The following CTNNA3 variants were observed in gnomAD, a reference collection of about 807,000 sequenced individuals.
CTNNA3 encodes catenin alpha 3.
Under a neutral mutation model 95.7 loss-of-function variants are expected in CTNNA3, and 76 were observed. That is an observed-to-expected ratio of 0.79 (90% confidence interval 0.66 to 0.96). The LOEUF (loss-of-function observed/expected upper bound fraction) is 0.96, where lower values mean the gene tolerates loss of function less well. Ranked by LOEUF, CTNNA3 falls within the 40% of genes least tolerant of loss-of-function variation. The pLI is 0.00. For missense variants in CTNNA3, 1,191 were observed against 1,089.8 expected (o/e 1.09, Z -1.31); for synonymous variants, 431 against 374.4 (o/e 1.15, Z -1.74).
chr10:67,167,882 C>A (rs940884282), intron 7 of CTNNA3, among the ~76,000 whole-genome samples: 1 of 152,104 alleles, frequency 6.6e-6, no homozygotes, highest in African/African-American at 2.4e-5. Context: ...CCTATAATCC[C>A]AACAGTTTGG....
chr10:66,370,861 C>T (rs949876226), intron 12 of CTNNA3, among the ~76,000 whole-genome samples: 6 of 152,084 alleles, frequency 3.9e-5, no homozygotes, highest in African/African-American at 1.4e-4. Context: ...AGGTGTGTAC[C>T]ACCATGCCTG....
chr10:66,734,248 T>C (rs1334681525), intron 9 of CTNNA3, among the ~76,000 whole-genome samples: 1 of 152,012 alleles, frequency 6.6e-6, no homozygotes, highest in Non-Finnish European at 1.5e-5. Flanking sequence ...TCTTTTCTTC[T>C]CTCTCTCTAA....
intron 11 of CTNNA3, among the ~76,000 whole-genome samples, chr10:66,511,243 C>A (rs1359458237): frequency 6.6e-6 from 1 of 151,582 alleles, no homozygotes; most frequent in Non-Finnish European, 1.5e-5. Context: ...TCTCATTGTT[C>A]ATTTCTGATA....
intron 5 of CTNNA3, among the ~76,000 whole-genome samples, chr10:67,355,799 T>C (rs1011190314): frequency 2.0e-5 from 3 of 152,002 alleles, no homozygotes; most frequent in African/African-American, 7.2e-5. Context: ...ATCCCATTCT[T>C]CCCTTTATAT....
intron 5 of CTNNA3, among the ~76,000 whole-genome samples, chr10:67,406,682 TAAAAA>T (rs930720908): frequency 2.0e-5 from 3 of 150,310 alleles, no homozygotes; most frequent in Non-Finnish European, 3.0e-5. Context: ...ACTAGACTAA[TAAAAA>T]AGAAAAGAGA....
At chr10:67,127,902 G>C (rs1859799583) in intron 7 of CTNNA3, among the ~76,000 whole-genome samples, 1 of 152,056 alleles carries the variant, frequency 6.6e-6, no homozygotes. Context: ...GCATGTGCGT[G>C]CACATGTACA....
At chr10:66,586,749 G>A (rs1316789303) in intron 10 of CTNNA3, among the ~76,000 whole-genome samples, 1 of 152,118 alleles carries the variant, frequency 6.6e-6, no homozygotes, top group Non-Finnish European at 1.5e-5. Context: ...TTGGGGTAGA[G>A]CTGCAGACTT....
intron 7 of CTNNA3, among the ~76,000 whole-genome samples, chr10:67,170,252 CAGTAATCCCATT>C (rs918912873): frequency 3.8e-4 from 58 of 152,304 alleles, no homozygotes; most frequent in African/African-American, 1.3e-3. Flanking sequence ...CCATTCGACC[CAGTAATCCCATT>C]ACTGGGTACA....
chr10:66,116,326 A>G lies in CTNNA3; in HGVS notation c.1885-13077T>C, dbSNP rs945833764. On this transcript the variant is annotated intron_variant, in intron 13 of 17. Transcript: ENST00000433211. ...TTAAAATGTCCATGTATTTCTTAAC[A>G]TATTAAATATTAAATATATACACAC... Among the ~76,000 whole-genome samples, 6 of 152,164 alleles carry G rather than the reference A, an allele frequency of 3.9e-5. No homozygotes were observed. The South Asian group carries it at 6.2e-4, about 16-fold the overall frequency.
chr10:66,913,050 TAA>T (rs1846289615), intron 7 of CTNNA3, among the ~76,000 whole-genome samples: 2 of 151,590 alleles, frequency 1.3e-5, no homozygotes, highest in Admixed American at 1.3e-4. Flanking sequence ...CCATCTTGGT[TAA>T]CACGGTGAAA....
intron 7 of CTNNA3, among the ~76,000 whole-genome samples, chr10:66,808,394 ATAT>A (rs1841740230): frequency 6.6e-6 from 1 of 152,202 alleles, no homozygotes; most frequent in African/African-American, 2.4e-5. Flanking sequence ...CTAAAAAGAT[ATAT>A]CTGACCATAC....
At chr10:66,829,731 C>G (rs1006133715) in intron 7 of CTNNA3, among the ~76,000 whole-genome samples, 1 of 151,028 alleles carries the variant, frequency 6.6e-6, no homozygotes, top group African/African-American at 2.4e-5. Flanking sequence ...TCATGAACCA[C>G]ACTTTGGGAA....
At chr10:67,532,822 G>C (rs1840372253) in intron 4 of CTNNA3, among the ~76,000 whole-genome samples, 1 of 152,112 alleles carries the variant, frequency 6.6e-6, no homozygotes. Context: ...TTCGGAATAA[G>C]TTTTATTCTC....
intron 1 of CTNNA3, among the ~76,000 whole-genome samples, chr10:67,691,301 G>T (rs2133588386): frequency 6.6e-6 from 1 of 152,324 alleles, no homozygotes; most frequent in Non-Finnish European, 1.5e-5. Flanking sequence ...TGCAGCCTCT[G>T]CCTGGCCACC....
Position 66,285,378 on chromosome 10 carries a change from C to T in CTNNA3, c.1733-4757G>A, listed in dbSNP as rs184716636. The stretch of plus-strand genomic sequence containing the variant: ...TCTCTCCAGTGACTTAGAAACTCAT[C>T]TTCTTTCCCTGTAGCTTAATTTAAA... On this transcript the variant is annotated intron_variant, in intron 12 of 17. Transcript: ENST00000433211. 7.6e-4 allele frequency among the ~76,000 whole-genome samples: 115 copies of T among 151,912 alleles called. 1 individual carries two copies. The highest frequency in any genetic ancestry group is 7.0e-3 in the Admixed American group (106 of 15,226).
At chr10:66,045,707 TG>T (rs2079815100) in intron 15 of CTNNA3, among the ~76,000 whole-genome samples, 1 of 152,168 alleles carries the variant, frequency 6.6e-6, no homozygotes, top group South Asian at 2.1e-4. Context: ...ATTTCCTTTT[TG>T]GTTATATTGA....
At chr10:67,052,754 AC>A (rs1311328470) in intron 7 of CTNNA3, 1 of 152,202 alleles carries the variant, frequency 6.6e-6, no homozygotes, top group Non-Finnish European at 1.5e-5. Flanking sequence ...TACTACAAAA[AC>A]AAACAAACAA....
In CTNNA3 at chr10:67,728,771, A is replaced by G. The variant is rs147578928; in HGVS notation, c.-2+34663T>C. On this transcript the variant is annotated intron_variant, in intron 1 of 17. Coordinates refer to the CTNNA3 transcript ENST00000684154. ...ATCACAGCTGTGTGCTAATTTATGA[A>G]GCTCCATAGTTAGCTAGATTTGTTA... Among the ~76,000 whole-genome samples the G allele has an allele frequency of 6.4e-3, 972 of 152,216 alleles. 11 individuals carry two copies. The highest frequency in any genetic ancestry group is 0.022 in the African/African-American group (926 of 41,544).
At position 67,336,872 on chromosome 10, in the gene CTNNA3, C is replaced by T. The variant is rs150912006; in HGVS notation, c.580-117002G>A. Among the ~76,000 whole-genome samples, 4 of 152,232 alleles carry T rather than the reference C, an allele frequency of 2.6e-5. No homozygotes were observed. In the East Asian group the frequency reaches 7.7e-4, roughly 29 times the overall value. On this transcript the variant is annotated intron_variant, in intron 5 of 17. Coordinates refer to ENST00000433211, the MANE Select transcript of CTNNA3 (RefSeq NM_013266.4). ...CATGGTATACTGAATATTTTAAGCT[C>T]ACTGTGGAGACCTACTGCTCAGAAA...
Sources: allele counts gnomAD v4.1 joint callset (sites outside exome capture counted in the v4.1 genomes callset), GRCh38; gene constraint gnomAD v4.1.1; transcripts MANE v1.5; gene names NCBI Gene and HGNC (gene_info 2026-07-23, HGNC 2026-07-21).